The following EDARADD variants were observed in gnomAD, a reference collection of about 807,000 sequenced individuals.
The protein encoded by EDARADD is EDAR associated via death domain.
In EDARADD, 20 loss-of-function variants were observed where a neutral mutation model predicts 25.6. The observed-to-expected ratio is 0.78, with a 90% CI of 0.55 to 1.14. EDARADD has a LOEUF of 1.14. EDARADD is among the 50% of genes most tolerant of loss of function. The pLI is 0.00. For missense variants in EDARADD, 225 were observed against 270.1 expected (o/e 0.83, Z 1.17); for synonymous variants, 86 against 94.4 (o/e 0.91, Z 0.52).
At chr1:236,481,970 G>A (rs377429999) in intron 5 of EDARADD, among the ~76,000 whole-genome samples, 2 of 151,118 alleles carry the variant, frequency 1.3e-5, no homozygotes, top group East Asian at 2.0e-4. Flanking sequence ...AAAATTAGCC[G>A]GGTGCAGTGG....
chr1:236,388,518 G>T (rs1017207763), intron 3 of EDARADD, among the ~76,000 whole-genome samples: 1 of 152,190 alleles, frequency 6.6e-6, no homozygotes, highest in African/African-American at 2.4e-5. Context: ...CATTAACATG[G>T]TATAGCTTGC....
At chr1:236,390,547 C>T (rs138286870), upstream of EDARADD, among the ~76,000 whole-genome samples, 2,117 of 151,864 alleles carry the variant, frequency 0.014, 51 homozygotes, top group African/African-American at 0.048. Flanking sequence ...AGCGAGACTC[C>T]GTCTCAGAAA....
chr1:236,440,727 G>A lies in EDARADD; in HGVS notation c.219+13277G>A, dbSNP rs544835668. On this transcript the variant is annotated intron_variant, in intron 4 of 5. Transcript: ENST00000334232. ...TTTGGTATTTGTTATGATGATCTGT[G>A]ACTCGTGATCTTGATGTTACTATTG... Among the ~76,000 whole-genome samples the A allele has an allele frequency of 2.0e-5, 3 of 152,200 alleles. No homozygotes were observed. In the South Asian group the frequency reaches 6.2e-4, roughly 32 times the overall value.
intron 3 of EDARADD, among the ~76,000 whole-genome samples, chr1:236,353,536 G>A (rs1418124707): frequency 2.6e-5 from 4 of 151,904 alleles, no homozygotes; most frequent in African/African-American, 4.8e-5. Flanking sequence ...AAAATTAGCC[G>A]GGCGTGGTGG....
At position 236,411,547 on chromosome 1, in the gene EDARADD, C is replaced by CTT. The variant is rs376379766; in HGVS notation, c.120+2284_120+2285dup. On this transcript the variant is annotated intron_variant, in intron 2 of 5. Coordinates refer to ENST00000334232, the MANE Select transcript of EDARADD (RefSeq NM_145861.4). The stretch of plus-strand genomic sequence containing the variant: ...TCTTCTTCTTCTTCCTCTTCTTCTT[C>CTT]TTTTTTTTTTTTGAGATGGGGTTTC... Among the ~76,000 whole-genome samples the CTT allele has an allele frequency of 4.2e-3, 607 of 144,306 alleles. 4 individuals are homozygous for CTT. Among genetic ancestry groups the CTT allele is most frequent in the Middle Eastern group, 0.026 (7 of 270 alleles). 94.7% of individuals were successfully genotyped at this position (144,306 alleles called of 152,430 possible).
rs565266636 is a variant in EDARADD, at chr1:236,478,856, G to A, written c.266-3411G>A. Among the ~76,000 whole-genome samples, 336 of 152,302 alleles carry A rather than the reference G, an allele frequency of 2.2e-3. 1 individual carries two copies. Among genetic ancestry groups the A allele is most frequent in the Non-Finnish European group, 3.9e-3 (266 of 68,030 alleles). On this transcript the variant is annotated intron_variant, in intron 5 of 5. Coordinates refer to ENST00000334232, the MANE Select transcript of EDARADD (RefSeq NM_145861.4). ...CCGCCTCGGCCTCCCAAAGTGCTGG[G>A]ATTACAGGCGTGAGCCACCGCGCCC...
intron 4 of EDARADD, among the ~76,000 whole-genome samples, chr1:236,433,688 T>C (rs1240681158): frequency 6.6e-6 from 1 of 150,878 alleles, no homozygotes; most frequent in Non-Finnish European, 1.5e-5. Context: ...AGATCCAGAG[T>C]GGTTAAAAAA....
chr1:236,394,561 G>A lies in EDARADD; in HGVS notation c.61+56G>A, dbSNP rs1277345083. 3.9e-6 allele frequency: 6 copies of A among 1,540,334 alleles called. No homozygotes were observed. The East Asian group carries it at 9.0e-5, about 23-fold the overall frequency. ...TCTCAGAGCTGAGTTTTTAGCCAGA[G>A]GTTGCTTATTTACGATAATTCTTGG... On this transcript the variant is annotated intron_variant, in intron 1 of 5. Coordinates refer to ENST00000334232, the MANE Select transcript of EDARADD (RefSeq NM_145861.4).
At chr1:236,447,215 T>TCTTTCTTTC (rs879862335) in intron 4 of EDARADD, among the ~76,000 whole-genome samples, 5 of 52,834 alleles carry the variant, frequency 9.5e-5, no homozygotes, top group East Asian at 6.3e-4. Context: ...TTTCTTTCTT[T>TCTTTCTTTC]CTTTCTTTCC....
At position 236,365,074 on chromosome 1, in the gene EDARADD, A is replaced by T. The variant is rs535608855; in HGVS notation, c.-6+14235A>T. On this transcript the variant is annotated intron_variant, in intron 3 of 7. Coordinates refer to the EDARADD transcript ENST00000439430. ...TCCCTTTTATTCCAAGTTTACTGAG[A>T]CTATCAGGAATTGGTGTTGGATTTG... is the stretch of plus-strand genomic sequence containing the variant. Among the ~76,000 whole-genome samples, 20 of 152,138 alleles carry T rather than the reference A, an allele frequency of 1.3e-4. No individual in the cohort carries two copies. In the East Asian group the frequency reaches 2.5e-3, roughly 19 times the overall value.
intron 3 of EDARADD, among the ~76,000 whole-genome samples, chr1:236,378,882 C>A (rs1220199546): frequency 2.0e-5 from 3 of 151,872 alleles, no homozygotes; most frequent in Non-Finnish European, 2.9e-5. Context: ...AAATTTAGAT[C>A]CATAATCCTC....
chr1:236,482,652 CTCT>C lies in EDARADD; in HGVS notation c.*12_*14del, dbSNP rs1193757560. On this transcript the variant is annotated 3_prime_UTR_variant, in exon 6 of 6. Transcript: ENST00000334232. Reference sequence around the variant, plus strand: ...GAGACCCCTCCAGGCACTTCTAGAGCTCTTCTTCTTCCTTCATTGGCCTCTCCG... The same window carrying C: ...GAGACCCCTCCAGGCACTTCTAGAGCTCTTCTTCCTTCATTGGCCTCTCCG... The C allele has an allele frequency of 5.0e-6, 8 of 1,611,502 alleles. No individual in the cohort carries two copies. Among genetic ancestry groups the C allele is most frequent in the African/African-American group, 2.7e-5 (2 of 74,844 alleles).
chr1:236,409,086 AAG>A, intron 1 of EDARADD, 128 bp from the exon 2 acceptor site: 2 of 496,838 alleles, frequency 4.0e-6, no homozygotes, highest in South Asian at 4.2e-5. Flanking sequence ...AAAAAAAAAA[AAG>A]GAGTAAGGTT....
chr1:236,375,408 C>G (rs1667214197), intron 3 of EDARADD, among the ~76,000 whole-genome samples: 1 of 152,108 alleles, frequency 6.6e-6, no homozygotes, highest in Non-Finnish European at 1.5e-5. Context: ...GTAATCCCAG[C>G]ACTTTGGGAG....
At chr1:236,482,167 G>T in intron 5 of EDARADD, 100 bp from the exon 6 acceptor site, 60 of 1,256,208 alleles carry the variant, frequency 4.8e-5, no homozygotes, top group Non-Finnish European at 6.4e-5. Context: ...TCTTCCATAT[G>T]ATGCTTTTGA....
At position 236,395,624 on chromosome 1, in the gene EDARADD, G is replaced by C. The variant is rs1480282021; in HGVS notation, c.61+1119G>C. The stretch of plus-strand genomic sequence containing the variant: ...TCGGACGCTCGTTTGCCCCTAACCC[G>C]CCGCCATGGCTTCACCGGACGACCC... On this transcript the variant is annotated intron_variant, in intron 1 of 5. Coordinates refer to ENST00000334232, the MANE Select transcript of EDARADD (RefSeq NM_145861.4). The surrounding 1 kb of genome is among the most constrained non-coding windows in gnomAD (Gnocchi z 6.9). The C allele has an allele frequency of 6.4e-7, 1 of 1,569,668 alleles. No individual in the cohort carries two copies. Among genetic ancestry groups the C allele is most frequent in the South Asian group, 1.2e-5 (1 of 85,750 alleles).
intron 3 of EDARADD, among the ~76,000 whole-genome samples, chr1:236,359,289 G>C (rs1438112275): frequency 6.6e-6 from 1 of 152,186 alleles, no homozygotes; most frequent in African/African-American, 2.4e-5. Flanking sequence ...AATTCCCAAT[G>C]CAACAATCTT....
chr1:236,406,035 GC>G (rs976930821), intron 1 of EDARADD, among the ~76,000 whole-genome samples: 3 of 150,324 alleles, frequency 2.0e-5, no homozygotes, highest in African/African-American at 7.4e-5. Context: ...AGCATTTAAA[GC>G]CCCCAGCCTC....
At chr1:236,409,087 A>AAAT in intron 1 of EDARADD, 129 bp from the exon 2 acceptor site, 1 of 456,902 alleles carries the variant, frequency 2.2e-6, no homozygotes, top group Non-Finnish European at 3.9e-6. Flanking sequence ...AAAAAAAAAA[A>AAAT]GGAGTAAGGT....
Sources: gnomAD v4.1 joint callset for allele counts (sites outside exome capture counted in the v4.1 genomes callset) on GRCh38, gnomAD v4.1.1 for gene constraint, Gnocchi (gnomAD v3.1) non-coding constraint, MANE v1.5 for transcripts, NCBI Gene and HGNC (gene_info 2026-07-23, HGNC 2026-07-21) for gene names.